The following PARK7 variants were observed in gnomAD, a reference collection of about 807,000 sequenced individuals.
The protein encoded by PARK7 is Parkinson disease protein 7.
In PARK7, 14 loss-of-function variants were observed where a neutral mutation model predicts 20.5. The ratio of observed to expected loss-of-function variants is 0.68; its 90% CI spans 0.45 to 1.07. The LOEUF (loss-of-function observed/expected upper bound fraction) is 1.07, where lower values mean the gene tolerates loss of function less well. PARK7 is among the 50% of genes least tolerant of loss of function. PARK7 has a pLI of 0.00. For missense variants in PARK7, 234 were observed against 238.1 expected (o/e 0.98, Z 0.11); for synonymous variants, 98 against 84.3 (o/e 1.16, Z -0.89).
chr1:7,970,916 T>C lies in PARK7; in HGVS notation c.275T>C (p.Leu92Pro). ...TAGTCTGCTGCTGTGAAGGAGATAC[T>C]GAAGGAGCAGGAAAACCGGAAGGGC... ...LSESAAVKEI[L>P]KEQENRKGLI... The change falls in exon 5 of 7, where the codon CTG (leucine) becomes CCG (proline). Residue 92 changes from leucine to proline, a missense_variant. Coordinates refer to ENST00000338639, the MANE Select transcript of PARK7 (RefSeq NM_007262.5). The C allele has an allele frequency of 6.2e-7, 1 of 1,614,202 alleles. No homozygotes were observed. Among genetic ancestry groups the C allele is most frequent in the Non-Finnish European group, 8.5e-7 (1 of 1,180,036 alleles).
intron 5 of PARK7, among the ~76,000 whole-genome samples, chr1:7,977,183 C>T (rs1314905287): frequency 6.6e-6 from 1 of 152,122 alleles, no homozygotes; most frequent in Non-Finnish European, 1.5e-5. Context: ...CCTTTGGACT[C>T]CTGGTATATG....
rs1486651335 is a variant in PARK7 at position 7,970,976 on chromosome 1, G to T, written c.322+13G>T. 1.2e-6 allele frequency: 2 copies of T among 1,613,974 alleles called. No individual in the cohort carries two copies. ...GCCATCTGTGCAGGTGACGTGCAGG[G>T]GCAGCCTGTGTTGCAGCGTCATTGG... On this transcript the variant is annotated intron_variant, in intron 5 of 6. Transcript: ENST00000338639.
chr1:7,971,373 C>G (rs1640461672), intron 5 of PARK7: 1 of 269,894 alleles, frequency 3.7e-6, no homozygotes, highest in African/African-American at 2.2e-5. Flanking sequence ...CCCCATGGTG[C>G]TTTCCGCTGG....
At chr1:7,975,090 G>A (rs1557447858) in intron 5 of PARK7, among the ~76,000 whole-genome samples, 2 of 152,006 alleles carry the variant, frequency 1.3e-5, no homozygotes, top group Admixed American at 6.6e-5. Context: ...TCCTGATCTC[G>A]TGATCCGCCC....
chr1:7,982,778 C>A (rs933885410), intron 6 of PARK7: 9 of 152,222 alleles, frequency 5.9e-5, no homozygotes, highest in African/African-American at 1.9e-4. Flanking sequence ...TAAACCTTTT[C>A]CCCTCAAACT....
chr1:7,981,660 GTT>G (rs1245140194), intron 6 of PARK7, among the ~76,000 whole-genome samples: 4 of 136,510 alleles, frequency 2.9e-5, no homozygotes, highest in Non-Finnish European at 1.6e-5. Context: ...TGTGTCTTTT[GTT>G]TTTTTTTTTT....
intron 3 of PARK7, 119 bp from the exon 4 acceptor site, chr1:7,969,226 C>A: frequency 1.3e-6 from 1 of 759,584 alleles, no homozygotes; most frequent in Non-Finnish European, 2.2e-6. Context: ...GTTCTATTGG[C>A]AGATAGGCTA....
chr1:7,970,818 T>C (rs1578096743), intron 4 of PARK7, 76 bp from the exon 5 acceptor site: 1 of 1,439,832 alleles, frequency 6.9e-7, no homozygotes, highest in African/African-American at 1.4e-5. Context: ...AATTAAATTC[T>C]TCCAAAGTTT....
At position 7,962,766 on chromosome 1, in the gene PARK7, T is replaced by C. The variant is rs747578176; in HGVS notation, c.-20T>C. 5.8e-6 allele frequency: 9 copies of C among 1,559,856 alleles called. No individual in the cohort carries two copies. The highest frequency in any genetic ancestry group is 3.4e-5 in the Admixed American group (2 of 59,490). ...TTTTTTTTTTTTTTTTTTTAAGGCTTGTAAACATATAACATAAAAATGGCT... is the reference window on the plus strand; with the variant it reads ...TTTTTTTTTTTTTTTTTTTAAGGCTCGTAAACATATAACATAAAAATGGCT... On this transcript the variant is annotated 5_prime_UTR_variant, in exon 2 of 7. Coordinates refer to ENST00000338639, the MANE Select transcript of PARK7 (RefSeq NM_007262.5).
intron 6 of PARK7, 138 bp downstream of exon 6, chr1:7,977,876 C>T: frequency 1.4e-6 from 1 of 724,194 alleles, no homozygotes; most frequent in Middle Eastern, 3.8e-4. Context: ...TCTTCTCTCT[C>T]AGCCTCCTGA....
At chr1:7,978,018 A>G (rs1208723222) in intron 6 of PARK7, among the ~76,000 whole-genome samples, 2 of 100,852 alleles carry the variant, frequency 2.0e-5, no homozygotes, top group Non-Finnish European at 3.6e-5. Context: ...TTTTTTTGAG[A>G]CAGAGTCTCG....
intron 3 of PARK7, among the ~76,000 whole-genome samples, chr1:7,965,954 C>G (rs1207373111): frequency 1.3e-5 from 2 of 152,198 alleles, no homozygotes; most frequent in Non-Finnish European, 2.9e-5. Flanking sequence ...GGACTACAGG[C>G]ATGTGCCATG....
chr1:7,965,700 T>A (rs528666229), intron 3 of PARK7, among the ~76,000 whole-genome samples: 28 of 152,320 alleles, frequency 1.8e-4, no homozygotes, highest in African/African-American at 6.5e-4. Context: ...CTTAGATGGA[T>A]GGCTGCATTG....
Position 7,979,658 on chromosome 1 carries a change from A to C in PARK7, c.409+1920A>C, listed in dbSNP as rs138531724. Among the ~76,000 whole-genome samples the C allele has an allele frequency of 4.4e-3, 673 of 152,104 alleles. 4 individuals carry two copies. Among genetic ancestry groups the C allele is most frequent in the African/African-American group, 0.015 (641 of 41,492 alleles). On this transcript the variant is annotated intron_variant, in intron 6 of 6. Transcript: ENST00000338639. ...TGGAACTATGGGTATGAGCCACCAC[A>C]CTTGGCTAATTTTTAAATTTTTTTG...
At position 7,973,166 on chromosome 1, in the gene PARK7, A is replaced by G. The variant is rs74560209; in HGVS notation, c.322+2203A>G. 2.1e-3 allele frequency among the ~76,000 whole-genome samples: 314 copies of G among 152,338 alleles called. 7 individuals carry two copies. The East Asian group carries it at 0.056, about 27-fold the overall frequency. On this transcript the variant is annotated intron_variant, in intron 5 of 6. Transcript: ENST00000338639. Reference sequence around the variant, plus strand: ...GTGGCATTAGGGGCTGGGAAGAACCACAGAGGTTGACCACCCTGGCAGGTC... The same window carrying G: ...GTGGCATTAGGGGCTGGGAAGAACCGCAGAGGTTGACCACCCTGGCAGGTC...
In PARK7 at chr1:7,985,009, G is replaced by A; in HGVS notation, c.525G>A (p.Lys175=). 6.2e-7 allele frequency: 1 copy of A among 1,614,240 alleles called. No homozygotes were observed. The highest frequency in any genetic ancestry group is 8.5e-7 in the Non-Finnish European group (1 of 1,180,050). The change falls in exon 7 of 7, where the codon AAG becomes AAA. Residue 175 remains lysine, a synonymous_variant. Transcript: ENST00000338639. The part of the protein sequence containing the change: ...ALAIVEALNG[K]EVAAQVKAPL... ...CAATTGTTGAAGCCCTGAATGGCAA[G>A]GAGGTGGCGGCTCAAGTGAAGGCTC...
At chr1:7,965,265 C>A in intron 2 of PARK7, 59 bp from the exon 3 acceptor site, 1 of 1,460,550 alleles carries the variant, frequency 6.8e-7, no homozygotes, top group Non-Finnish European at 9.6e-7. Flanking sequence ...TTTTTAAAGA[C>A]AGTGTTACTC....
At chr1:7,975,251 T>C (rs1446565150) in intron 5 of PARK7, among the ~76,000 whole-genome samples, 1 of 152,058 alleles carries the variant, frequency 6.6e-6, no homozygotes, top group African/African-American at 2.4e-5. Context: ...GGAACGCAAA[T>C]TGGAAGGGAG....
rs899859311 is a variant in PARK7 at position 7,974,136 on chromosome 1, C to CCA, written c.322+3174_322+3175insAC. Among the ~76,000 whole-genome samples, 9 of 142,972 alleles carry CCA rather than the reference C, an allele frequency of 6.3e-5. 1 individual carries two copies. The highest frequency in any genetic ancestry group is 1.0e-4 in the African/African-American group (4 of 38,126). The allele number at this position is 142,972 out of a possible 152,430, so 93.8% of individuals were successfully genotyped here. ...ACCAGCCTGGGCAACATAGTGAGAC[C>CCA]CCCCCACCGACCTCTACAAAAAAAT... On this transcript the variant is annotated intron_variant, in intron 5 of 6. Coordinates refer to ENST00000338639, the MANE Select transcript of PARK7 (RefSeq NM_007262.5).
Sources: allele counts gnomAD v4.1 joint callset (sites outside exome capture counted in the v4.1 genomes callset), GRCh38; gene constraint gnomAD v4.1.1; transcripts MANE v1.5; gene names NCBI Gene and HGNC (gene_info 2026-07-23, HGNC 2026-07-21).